The following BPI variants were observed in gnomAD, a reference collection of about 807,000 sequenced individuals.
BPI encodes the protein bactericidal permeability-increasing protein.
A neutral mutation model predicts 57.6 loss-of-function variants in BPI; 48 were observed. That is an observed-to-expected ratio of 0.83 (90% CI 0.66 to 1.06). The LOEUF is 1.06. Among genes scored for constraint, BPI ranks in the 50% least tolerant of loss-of-function variants. The pLI is 0.00. For synonymous variants in BPI, 237 were observed against 238.2 expected, an observed-to-expected ratio of 0.99 and a Z score of 0.05; for missense variants, 651 against 609.7, an observed-to-expected ratio of 1.07 and a Z score of -0.71.
intron 1 of BPI, among the ~76,000 whole-genome samples, chr20:38,305,513 T>C (rs2076592822): frequency 6.6e-6 from 1 of 152,216 alleles, no homozygotes; most frequent in Admixed American, 6.5e-5. Context: ...GGCATGGCAT[T>C]TGAGACCCTT....
intron 14 of BPI, 55 bp downstream of exon 14, chr20:38,335,729 G>T: frequency 6.5e-7 from 1 of 1,546,154 alleles, no homozygotes; most frequent in Non-Finnish European, 8.9e-7. Context: ...ACCAACAGCA[G>T]CCTATGGCTG....
At chr20:38,335,391 G>A (rs1342236332) in intron 13 of BPI, 2 of 596,144 alleles carry the variant, frequency 3.4e-6, no homozygotes, top group African/African-American at 3.7e-5. Flanking sequence ...GCAGGTGCTA[G>A]AAGTGGACTT....
chr20:38,318,893 C>T (rs929882824), intron 6 of BPI, among the ~76,000 whole-genome samples: 4 of 152,124 alleles, frequency 2.6e-5, no homozygotes, highest in African/African-American at 9.7e-5. Flanking sequence ...AGGAAATTGT[C>T]CGCTCTCAGC....
At chr20:38,319,036 A>T (rs2122524724) in intron 6 of BPI, among the ~76,000 whole-genome samples, 2 of 152,304 alleles carry the variant, frequency 1.3e-5, no homozygotes, top group South Asian at 4.1e-4. Flanking sequence ...GGAGTTCAAG[A>T]CCAGCTTGGC....
intron 5 of BPI, 98 bp downstream of exon 5, chr20:38,312,035 C>A: frequency 7.9e-7 from 1 of 1,265,056 alleles, no homozygotes; most frequent in South Asian, 1.2e-5. Flanking sequence ...TCACTCCAGA[C>A]CCCTTGGTAG....
At chr20:38,323,453 C>T (rs6024869) in intron 7 of BPI, among the ~76,000 whole-genome samples, 27 of 152,298 alleles carry the variant, frequency 1.8e-4, no homozygotes, top group African/African-American at 5.1e-4. Flanking sequence ...AGTTTACCGA[C>T]GAAACAAACA....
At chr20:38,324,174 A>T (rs986111200) in intron 8 of BPI, 128 bp downstream of exon 8, 4 of 1,150,512 alleles carry the variant, frequency 3.5e-6, no homozygotes, top group Middle Eastern at 3.0e-4. Flanking sequence ...AGAGTCAGCT[A>T]GAGCTGAGTT....
At chr20:38,320,356 T>A in intron 7 of BPI, 82 bp downstream of exon 7, 1 of 1,271,076 alleles carries the variant, frequency 7.9e-7, no homozygotes, top group Non-Finnish European at 1.1e-6. Flanking sequence ...GAAACAAACT[T>A]AACAATGTCC....
chr20:38,317,707 A>G lies in BPI; in HGVS notation c.601-706A>G. The G allele has an allele frequency of 3.0e-6, 3 of 986,616 alleles. No individual in the cohort carries two copies. The South Asian group carries it at 4.1e-5, about 14-fold the overall frequency. 61.1% of individuals were successfully genotyped at this position (986,616 alleles called of 1,614,324 possible). Reference sequence around the variant, plus strand: ...CTCTTGGTGGGGGTGTGGCAAAGCCACATTACAGAAGAGCAAATGGAATGG... The same window carrying G: ...CTCTTGGTGGGGGTGTGGCAAAGCCGCATTACAGAAGAGCAAATGGAATGG... On this transcript the variant is annotated intron_variant, in intron 5 of 14. Transcript: ENST00000642449.
chr20:38,337,471 T>A lies in BPI; in HGVS notation c.*287T>A. The A allele has an allele frequency of 3.0e-6, 1 of 335,884 alleles. No individual in the cohort carries two copies. The highest frequency in any genetic ancestry group is 5.3e-6 in the Non-Finnish European group (1 of 188,548). 20.8% of individuals were successfully genotyped at this position (335,884 alleles called of 1,614,324 possible). A position where few individuals can be genotyped will look rare whatever the true frequency, so the allele number is the denominator to read the frequency against. On this transcript the variant is annotated 3_prime_UTR_variant, in exon 15 of 15. Coordinates refer to ENST00000642449, the MANE Select transcript of BPI (RefSeq NM_001725.3). ...TAACCAAGAAATTTCCATTTGTGCT[T>A]CATGAAAAAAAACTTCTGGTTTTTT...
chr20:38,324,358 C>T (rs1049178890), intron 8 of BPI, among the ~76,000 whole-genome samples: 4 of 152,102 alleles, frequency 2.6e-5, no homozygotes, highest in Non-Finnish European at 4.4e-5. Flanking sequence ...ATGAGAGGAC[C>T]GAACACAGAG....
chr20:38,314,697 GTGGTGA>G (rs1432493335), intron 5 of BPI, among the ~76,000 whole-genome samples: 10 of 121,332 alleles, frequency 8.2e-5, no homozygotes, highest in Non-Finnish European at 8.5e-5. Flanking sequence ...GATGATGATG[GTGGTGA>G]TGGTGATGGT....
At chr20:38,310,877 C>T (rs142658154) in intron 4 of BPI, among the ~76,000 whole-genome samples, 1 of 152,360 alleles carries the variant, frequency 6.6e-6, no homozygotes, top group African/African-American at 2.4e-5. Flanking sequence ...CTTTACTGAG[C>T]ACTTACTATG....
At chr20:38,327,530 G>T in intron 10 of BPI, 58 bp from the exon 11 acceptor site, 2 of 1,594,114 alleles carry the variant, frequency 1.3e-6, no homozygotes, top group Non-Finnish European at 1.7e-6. Flanking sequence ...TTGGTTTGGA[G>T]GCCTTGCAAT....
chr20:38,308,880 G>GGACTCCATA, intron 2 of BPI, 50 bp from the exon 3 acceptor site: 2 of 1,609,480 alleles, frequency 1.2e-6, no homozygotes, highest in Non-Finnish European at 1.7e-6. Flanking sequence ...CCTCATGTGT[G>GGACTCCATA]CACCTAGGAG....
At chr20:38,318,351 T>C in intron 5 of BPI, 62 bp from the exon 6 acceptor site, 7 of 1,516,740 alleles carry the variant, frequency 4.6e-6, no homozygotes, top group South Asian at 4.5e-5. Context: ...TGGCCCGTTA[T>C]TGTCAAGGGA....
chr20:38,312,612 T>C (rs1020208195), intron 5 of BPI, among the ~76,000 whole-genome samples: 1 of 152,218 alleles, frequency 6.6e-6, no homozygotes, highest in African/African-American at 2.4e-5. Flanking sequence ...TTTATGCAAA[T>C]GGGTGACTTG....
chr20:38,331,780 T>C (rs140229516), intron 12 of BPI, among the ~76,000 whole-genome samples: 91 of 151,190 alleles, frequency 6.0e-4, no homozygotes, highest in African/African-American at 2.0e-3. Flanking sequence ...GAGTTCCAGG[T>C]TACACAAGCT....
intron 4 of BPI, among the ~76,000 whole-genome samples, chr20:38,311,302 G>T (rs1416596332): frequency 1.3e-5 from 2 of 152,224 alleles, no homozygotes; most frequent in African/African-American, 4.8e-5. Flanking sequence ...TCAGCCCAGT[G>T]GGGAAGACAA....
Sources: gnomAD v4.1 joint callset for allele counts (sites outside exome capture counted in the v4.1 genomes callset) on GRCh38, gnomAD v4.1.1 for gene constraint, MANE v1.5 for transcripts, NCBI Gene and HGNC (gene_info 2026-07-23, HGNC 2026-07-21) for gene names.